The following SLC26A3 variants were observed in gnomAD, a reference collection of about 807,000 sequenced individuals.
SLC26A3 encodes solute carrier family 26 member 3.
SLC26A3 carries 64 observed loss-of-function variants against 85.6 expected under a neutral mutation model. The ratio of observed to expected loss-of-function variants is 0.75; its 90% CI spans 0.61 to 0.92. The LOEUF is 0.92. Ranked by LOEUF, SLC26A3 falls within the 40% of genes least tolerant of loss-of-function variation. The probability of loss-of-function intolerance (pLI) is 0.00; values close to 1 mark genes in which losing one functional copy is unlikely to be tolerated. For missense variants in SLC26A3, 922 were observed against 927.3 expected, an observed-to-expected ratio of 0.99 and a Z score of 0.07; for synonymous variants, 349 against 336.0, an observed-to-expected ratio of 1.04 and a Z score of -0.42.
At chr7:107,778,376 T>C (rs1324917674) in intron 12 of SLC26A3, 95 bp from the exon 13 acceptor site, 1 of 835,316 alleles carries the variant, frequency 1.2e-6, no homozygotes, top group Non-Finnish European at 1.9e-6. Flanking sequence ...TTTTTTTTTT[T>C]TGTAGCGACA....
chr7:107,770,050 CTCT>C (rs754406992), intron 18 of SLC26A3, among the ~76,000 whole-genome samples: 40 of 74,052 alleles, frequency 5.4e-4, no homozygotes, highest in East Asian at 1.8e-3. Context: ...TTCTTTCTTT[CTCT>C]TTTCTTTCTT....
chr7:107,770,167 T>TGAGACAGGGTCTTGC (rs1328690120), intron 18 of SLC26A3, among the ~76,000 whole-genome samples: 1 of 12,324 alleles, frequency 8.1e-5, no homozygotes, highest in African/African-American at 4.8e-4. Context: ...TTTTTTTTTT[T>TGAGACAGGGTCTTGC]TTTTTTTTTT....
chr7:107,797,740 C>CTTTTTT lies in SLC26A3; in HGVS notation c.-88-3149_-88-3144dup, dbSNP rs375903590. Among the ~76,000 whole-genome samples, 81 of 127,440 alleles carry CTTTTTT rather than the reference C, an allele frequency of 6.4e-4. 7 individuals are homozygous for CTTTTTT. Among genetic ancestry groups the CTTTTTT allele is most frequent in the African/African-American group, 1.7e-3 (51 of 30,558 alleles). 83.6% of individuals were successfully genotyped at this position (127,440 alleles called of 152,430 possible). ...CATTTCTGAGATTCTTGAGCAGGAC[C>CTTTTTT]TTTTTTTTTTGAGACGGAGTCTTGC... On this transcript the variant is annotated intron_variant, in intron 1 of 20. Transcript: ENST00000340010.
intron 11 of SLC26A3, 115 bp from the exon 12 acceptor site, chr7:107,779,878 G>A: frequency 2.4e-6 from 2 of 834,904 alleles, no homozygotes; most frequent in Non-Finnish European, 4.0e-6. Flanking sequence ...GCAAATCAAA[G>A]CATTACACCC....
intron 1 of SLC26A3, among the ~76,000 whole-genome samples, chr7:107,797,509 G>T (rs1794527638): frequency 6.6e-6 from 1 of 151,854 alleles, no homozygotes; most frequent in South Asian, 2.1e-4. Flanking sequence ...ATAAAGAAAA[G>T]AAAAGAAATC....
chr7:107,798,301 C>CA (rs945646067), intron 1 of SLC26A3, among the ~76,000 whole-genome samples: 3 of 151,554 alleles, frequency 2.0e-5, no homozygotes, highest in Non-Finnish European at 4.4e-5. Flanking sequence ...TTCAGTTTCT[C>CA]AGTTTAACTA....
intron 1 of SLC26A3, 96 bp from the exon 2 acceptor site, chr7:107,794,693 A>G (rs1464472793): frequency 1.6e-6 from 1 of 639,438 alleles, no homozygotes; most frequent in African/African-American, 1.8e-5. Flanking sequence ...ACCACCTTTT[A>G]AGATCAAAAA....
chr7:107,774,434 G>T (rs1363248234), intron 16 of SLC26A3, among the ~76,000 whole-genome samples: 1 of 152,090 alleles, frequency 6.6e-6, no homozygotes, highest in African/African-American at 2.4e-5. Flanking sequence ...TGTGCTTGTA[G>T]TTTCAGCTAC....
chr7:107,781,005 G>A (rs1382304716), intron 11 of SLC26A3, among the ~76,000 whole-genome samples: 1 of 152,192 alleles, frequency 6.6e-6, no homozygotes, highest in Non-Finnish European at 1.5e-5. Flanking sequence ...AATATGTCAA[G>A]AGACACCTGT....
intron 3 of SLC26A3, among the ~76,000 whole-genome samples, chr7:107,792,531 ATGT>A (rs1190700724): frequency 2.6e-5 from 4 of 152,048 alleles, no homozygotes; most frequent in African/African-American, 9.7e-5. Context: ...TGAGAATATA[ATGT>A]TGTCGCTGAT....
At chr7:107,783,497 C>A in intron 8 of SLC26A3, 145 bp from the exon 9 acceptor site, 1 of 930,072 alleles carries the variant, frequency 1.1e-6, no homozygotes, top group Non-Finnish European at 1.7e-6. Context: ...GCTCCACTAA[C>A]AATTTTGCAA....
intron 18 of SLC26A3, among the ~76,000 whole-genome samples, chr7:107,770,042 C>CTT (rs1395743971): frequency 9.5e-6 from 1 of 105,436 alleles, no homozygotes; most frequent in Non-Finnish European, 1.8e-5. Context: ...TTCTTTCTTT[C>CTT]TTTCTTTCTC....
chr7:107,767,575 T>G lies in SLC26A3; in HGVS notation c.2271+4A>C, dbSNP rs1439257318. 4.4e-6 allele frequency: 7 copies of G among 1,601,628 alleles called. No individual in the cohort carries two copies. The East Asian group carries it at 1.6e-4, about 36-fold the overall frequency. On this transcript the variant is annotated splice_donor_region_variant and intron_variant, in intron 20 of 20. Coordinates refer to ENST00000340010, the MANE Select transcript of SLC26A3 (RefSeq NM_000111.3). ...GTGAAGATAAACCTGTTGAAGAATC[T>G]TACCTCATATACCCGATTACGTAAT... is the stretch of plus-strand genomic sequence containing the variant.
At chr7:107,798,865 A>C (rs1275987895) in intron 1 of SLC26A3, among the ~76,000 whole-genome samples, 2 of 152,204 alleles carry the variant, frequency 1.3e-5, no homozygotes, top group Non-Finnish European at 2.9e-5. Context: ...GCCCTATTTC[A>C]TGAATTAGTC....
chr7:107,797,956 A>AGGG (rs971566121), intron 1 of SLC26A3, among the ~76,000 whole-genome samples: 1 of 152,058 alleles, frequency 6.6e-6, no homozygotes. Context: ...TTAATGTAAA[A>AGGG]GCCTTTTCAT....
intron 18 of SLC26A3, among the ~76,000 whole-genome samples, chr7:107,770,134 TTCTC>T (rs1179220034): frequency 2.8e-4 from 37 of 133,086 alleles, no homozygotes; most frequent in East Asian, 8.4e-4. Flanking sequence ...CTTTCTTTCT[TTCTC>T]TCTTTCTTTT....
intron 11 of SLC26A3, 135 bp from the exon 12 acceptor site, chr7:107,779,898 G>A: frequency 1.3e-6 from 1 of 747,720 alleles, no homozygotes; most frequent in Middle Eastern, 2.3e-4. Context: ...CTTTTCCGGT[G>A]TGCGATGCCA....
At position 107,786,821 on chromosome 7, in the gene SLC26A3, A is replaced by G; in HGVS notation, c.971+6T>C. ...ATGGTGATGCCATCATCGAAGACAC[A>G]CTTACCCAGGATTCATGTCCCCAAC... is the stretch of plus-strand genomic sequence containing the variant. On this transcript the variant is annotated splice_donor_region_variant and intron_variant, in intron 8 of 20. Coordinates refer to ENST00000340010, the MANE Select transcript of SLC26A3 (RefSeq NM_000111.3). The G allele has an allele frequency of 1.2e-6, 2 of 1,612,194 alleles. No individual in the cohort carries two copies. Among genetic ancestry groups the G allele is most frequent in the Non-Finnish European group, 1.7e-6 (2 of 1,178,280 alleles).
At chr7:107,782,652 C>T in intron 11 of SLC26A3, 145 bp downstream of exon 11, 1 of 817,696 alleles carries the variant, frequency 1.2e-6, no homozygotes, top group Non-Finnish European at 2.1e-6. Context: ...ATATTTTTGG[C>T]TCATACAGAG....
Sources: gnomAD v4.1 joint callset for allele counts (sites outside exome capture counted in the v4.1 genomes callset) on GRCh38, gnomAD v4.1.1 for gene constraint, MANE v1.5 for transcripts, NCBI Gene and HGNC (gene_info 2026-07-23, HGNC 2026-07-21) for gene names.